DLGAP2: variants seen among roughly 807,000 people sequenced by gnomAD.
DLGAP2 encodes disks large-associated protein 2.
A neutral mutation model predicts 100.3 loss-of-function variants in DLGAP2; 26 were observed. The observed-to-expected ratio is 0.26, with a 90% confidence interval of 0.19 to 0.36. The LOEUF is 0.36. DLGAP2 is among the 10% of genes least tolerant of loss of function. The probability of loss-of-function intolerance (pLI) is 1.00; values close to 1 mark genes in which losing one functional copy is unlikely to be tolerated. For synonymous variants in DLGAP2, 886 were observed against 630.1 expected (o/e 1.41, Z -6.08); for missense variants, 1,858 against 1,453.2 (o/e 1.28, Z -4.53).
At chr8:1,140,631 C>G (rs1301929798) in intron 2 of DLGAP2, among the ~76,000 whole-genome samples, 1 of 152,156 alleles carries the variant, frequency 6.6e-6, no homozygotes, top group African/African-American at 2.4e-5. Context: ...TGGGAGCTGA[C>G]TTCCTAGGTT....
intron 4 of DLGAP2, among the ~76,000 whole-genome samples, chr8:1,517,568 T>TACGAGTCAGTGCTCTCCC (rs1800437148): frequency 6.6e-6 from 1 of 152,072 alleles, no homozygotes; most frequent in African/African-American, 2.4e-5. Context: ...GAAGCTCTCC[T>TACGAGTCAGTGCTCTCCC]CCGAGTCAGT....
rs74757887 is a variant in DLGAP2, at chr8:1,354,098, C to A, written c.106+95215C>A. Reference sequence around the variant, plus strand: ...TTGTATCAGAAGCCTTAAAAATATTCATTAACTTCACCCAGAAATTGTAAT... The same window carrying A: ...TTGTATCAGAAGCCTTAAAAATATTAATTAACTTCACCCAGAAATTGTAAT... On this transcript the variant is annotated intron_variant, in intron 3 of 14. Coordinates refer to ENST00000637795, the MANE Select transcript of DLGAP2 (RefSeq NM_001346810.2). Among the ~76,000 whole-genome samples the A allele has an allele frequency of 5.9e-5, 9 of 152,268 alleles. No individual in the cohort carries two copies. The East Asian group carries it at 1.5e-3, about 26-fold the overall frequency.
intron 1 of DLGAP2, among the ~76,000 whole-genome samples, chr8:759,412 C>T (rs191809800): frequency 1.3e-5 from 2 of 152,228 alleles, no homozygotes; most frequent in Admixed American, 1.3e-4. Context: ...CCCTGGGCTG[C>T]ACGTTTCCAG....
chr8:1,224,501 G>A (rs1219711769), intron 2 of DLGAP2, among the ~76,000 whole-genome samples: 1 of 152,096 alleles, frequency 6.6e-6, no homozygotes, highest in Non-Finnish European at 1.5e-5. Context: ...GTGTGAAAGA[G>A]TAGACCAGAA....
intron 13 of DLGAP2, among the ~76,000 whole-genome samples, chr8:1,694,503 GAC>G (rs903546274): frequency 2.0e-5 from 3 of 152,202 alleles, no homozygotes; most frequent in Non-Finnish European, 2.9e-5. Context: ...GGTGGCTTGT[GAC>G]ACAACCAGAA....
intron 3 of DLGAP2, among the ~76,000 whole-genome samples, chr8:1,342,529 G>GC (rs11404009): frequency 1 from 152,324 of 152,326 alleles, 76,161 homozygotes; most frequent in Middle Eastern, 1. Context: ...GGGCCGTGCG[G>GC]CTCAGTCGCA....
chr8:1,682,565 C>A (rs1798980218), intron 12 of DLGAP2, among the ~76,000 whole-genome samples: 2 of 151,886 alleles, frequency 1.3e-5, no homozygotes, highest in Non-Finnish European at 1.5e-5. Flanking sequence ...ACCTCAGCCT[C>A]CCGAGTTCAA....
At chr8:909,678 G>A (rs1022441448) in intron 2 of DLGAP2, among the ~76,000 whole-genome samples, 1 of 152,200 alleles carries the variant, frequency 6.6e-6, no homozygotes, top group African/African-American at 2.4e-5. Flanking sequence ...TCACTGTCAT[G>A]TCAGCTGTGG....
At chr8:1,307,138 A>G (rs1585243705) in intron 3 of DLGAP2, among the ~76,000 whole-genome samples, 2 of 150,534 alleles carry the variant, frequency 1.3e-5, no homozygotes, top group Non-Finnish European at 3.0e-5. Flanking sequence ...TTCAAATCAT[A>G]TATCAATCTG....
chr8:1,326,733 A>C (rs1801031415), intron 3 of DLGAP2, among the ~76,000 whole-genome samples: 2 of 152,170 alleles, frequency 1.3e-5, no homozygotes, highest in African/African-American at 4.8e-5. Flanking sequence ...CTTGAACCTT[A>C]GTTTCTTCTT....
intron 2 of DLGAP2, among the ~76,000 whole-genome samples, chr8:1,054,276 A>G (rs1360998387): frequency 1.3e-5 from 2 of 151,848 alleles, no homozygotes; most frequent in Non-Finnish European, 2.9e-5. Flanking sequence ...ACACGGACAC[A>G]CACGCACACA....
chr8:948,110 C>T (rs548127806), intron 2 of DLGAP2, among the ~76,000 whole-genome samples: 2 of 152,168 alleles, frequency 1.3e-5, no homozygotes, highest in African/African-American at 2.4e-5. Context: ...CATGGTTCCA[C>T]TGACCCTGTG....
At chr8:1,649,058 C>T (rs934454297) in intron 8 of DLGAP2, among the ~76,000 whole-genome samples, 15 of 152,120 alleles carry the variant, frequency 9.9e-5, no homozygotes, top group African/African-American at 3.6e-4. Context: ...AAAATCATTG[C>T]CTGTGACGCT....
chr8:1,348,798 C>T (rs533277768), intron 3 of DLGAP2, among the ~76,000 whole-genome samples: 2 of 152,160 alleles, frequency 1.3e-5, no homozygotes, highest in South Asian at 2.1e-4. Flanking sequence ...TGCGGTGGAG[C>T]GTGTTGATGG....
At chr8:876,204 A>T (rs1797685311) in intron 1 of DLGAP2, among the ~76,000 whole-genome samples, 1 of 152,208 alleles carries the variant, frequency 6.6e-6, no homozygotes, top group Non-Finnish European at 1.5e-5. Flanking sequence ...TTTTATAATT[A>T]TGTAATTACC....
At chr8:809,637 A>G (rs1360870161) in intron 1 of DLGAP2, among the ~76,000 whole-genome samples, 1 of 152,184 alleles carries the variant, frequency 6.6e-6, no homozygotes, top group African/African-American at 2.4e-5. Context: ...CTGTCTACCA[A>G]TACGAGTCAA....
chr8:1,249,419 G>A (rs4384002), intron 2 of DLGAP2, among the ~76,000 whole-genome samples: 129,671 of 152,160 alleles, frequency 0.85, 55,471 homozygotes, highest in Middle Eastern at 0.92. Context: ...AACTACTGAG[G>A]CCTAAATACA....
chr8:1,093,203 T>C (rs983924219), intron 2 of DLGAP2, among the ~76,000 whole-genome samples: 1 of 152,156 alleles, frequency 6.6e-6, no homozygotes, highest in Non-Finnish European at 1.5e-5. Context: ...ATTAATCCCT[T>C]CTAAAAAACA....
At chr8:855,982 A>C (rs1797268679) in intron 1 of DLGAP2, among the ~76,000 whole-genome samples, 1 of 152,184 alleles carries the variant, frequency 6.6e-6, no homozygotes, top group Non-Finnish European at 1.5e-5. Flanking sequence ...TCCCGCAGAG[A>C]TCAGAAATGA....
Sources: gnomAD v4.1 joint callset for allele counts (sites outside exome capture counted in the v4.1 genomes callset) on GRCh38, gnomAD v4.1.1 for gene constraint, MANE v1.5 for transcripts, NCBI Gene and HGNC (gene_info 2026-07-23, HGNC 2026-07-21) for gene names.